ANO10: variants seen among roughly 807,000 people sequenced by gnomAD.
ANO10 encodes the protein anoctamin-10.
ANO10 carries 77 observed loss-of-function variants against 74.7 expected under a neutral mutation model. That is an observed-to-expected ratio of 1.03 (90% confidence interval 0.86 to 1.25). The LOEUF is 1.25. ANO10 is among the 50% of genes most tolerant of loss of function. The pLI is 0.00. For missense variants in ANO10, 721 were observed against 778.1 expected (o/e 0.93, Z 0.87); for synonymous variants, 279 against 284.9 (o/e 0.98, Z 0.21).
At position 43,555,474 on chromosome 3, in the gene ANO10, A is replaced by C; in HGVS notation, c.1477-5T>G. ...CAAGTAATCATCAAAGGTGCCCTGAAAATATAAACAAGCATGCATTATTTT... is the reference window on the plus strand; with the variant it reads ...CAAGTAATCATCAAAGGTGCCCTGACAATATAAACAAGCATGCATTATTTT... On this transcript the variant is annotated splice_region_variant and splice_polypyrimidine_tract_variant and intron_variant, in intron 9 of 12. Coordinates refer to ENST00000292246, the MANE Select transcript of ANO10 (RefSeq NM_018075.5). 6.2e-7 allele frequency: 1 copy of C among 1,613,754 alleles called. No homozygotes were observed. The highest frequency in any genetic ancestry group is 1.1e-5 in the South Asian group (1 of 91,070).
upstream of ANO10, among the ~76,000 whole-genome samples, chr3:43,623,885 C>A (rs1302176338): frequency 6.6e-6 from 1 of 152,178 alleles, no homozygotes; most frequent in East Asian, 1.9e-4. Context: ...TATTTATGAA[C>A]TTCAATAAGT....
chr3:43,653,428 C>G (rs992738724), intron 1 of ANO10, among the ~76,000 whole-genome samples: 5 of 152,180 alleles, frequency 3.3e-5, no homozygotes, highest in African/African-American at 1.2e-4. Context: ...ATACACATGG[C>G]TGCATAGGTG....
chr3:43,580,380 G>T lies in ANO10; in HGVS notation c.565C>A (p.Arg189=). ...LKKLEDTWYT[R]FALKYQPIDS... Reference sequence around the variant, plus strand: ...ATGGGCTGATACTTCAAAGCAAACCGAGTGTACCAGGTGTCCTCAAGCTTC... The same window carrying T: ...ATGGGCTGATACTTCAAAGCAAACCTAGTGTACCAGGTGTCCTCAAGCTTC... Residue 189 remains arginine, a synonymous_variant, in exon 5 of 13, where the codon CGG becomes AGG. Transcript: ENST00000292246. 1.2e-6 allele frequency: 2 copies of T among 1,613,992 alleles called. No homozygotes were observed. Among genetic ancestry groups the T allele is most frequent in the Non-Finnish European group, 1.7e-6 (2 of 1,179,970 alleles).
At chr3:43,634,563 A>G (rs1361056607) in intron 1 of ANO10, among the ~76,000 whole-genome samples, 1 of 152,178 alleles carries the variant, frequency 6.6e-6, no homozygotes, top group Non-Finnish European at 1.5e-5. Context: ...TGTCCTACAC[A>G]TATCTCCACC....
intron 12 of ANO10, among the ~76,000 whole-genome samples, chr3:43,375,265 G>A (rs2091760300): frequency 6.6e-6 from 1 of 151,946 alleles, no homozygotes; most frequent in Non-Finnish European, 1.5e-5. Flanking sequence ...GGCCAACATG[G>A]TGAAACCCTG....
intron 1 of ANO10, among the ~76,000 whole-genome samples, chr3:43,641,701 A>G (rs1157027220): frequency 1.3e-5 from 2 of 152,210 alleles, no homozygotes; most frequent in African/African-American, 4.8e-5. Context: ...TAGAGCACAC[A>G]TGGCACTGTC....
chr3:43,394,242 C>T (rs374678758), intron 12 of ANO10, among the ~76,000 whole-genome samples: 1 of 152,146 alleles, frequency 6.6e-6, no homozygotes, highest in Admixed American at 6.5e-5. Flanking sequence ...ATCACCACCT[C>T]TCATGGTCAG....
In ANO10 at chr3:43,590,503, G is replaced by A. The variant is rs112763586; in HGVS notation, c.472+8029C>T. ...ATGTCTAAGGAAATCAGGAAGACCAGAGAAGATACAGCATCACCTAAGAAG... is the reference window on the plus strand; with the variant it reads ...ATGTCTAAGGAAATCAGGAAGACCAAAGAAGATACAGCATCACCTAAGAAG... On this transcript the variant is annotated intron_variant, in intron 4 of 12. Transcript: ENST00000292246. Among the ~76,000 whole-genome samples the A allele has an allele frequency of 2.6e-3, 403 of 152,140 alleles. 2 individuals carry two copies. The highest frequency in any genetic ancestry group is 9.5e-3 in the African/African-American group (392 of 41,426).
chr3:43,554,838 A>C (rs2079658998), intron 10 of ANO10, among the ~76,000 whole-genome samples: 2 of 152,104 alleles, frequency 1.3e-5, no homozygotes, highest in Admixed American at 1.3e-4. Flanking sequence ...ATATTCCACT[A>C]GGCTTCCTCT....
At chr3:43,372,730 G>A (rs994301128) in intron 12 of ANO10, 11 of 894,354 alleles carry the variant, frequency 1.2e-5, no homozygotes, top group Non-Finnish European at 1.9e-5. Flanking sequence ...TATCCTACCT[G>A]GTATGTGGTC....
At chr3:43,552,268 A>G (rs2079498415) in intron 10 of ANO10, among the ~76,000 whole-genome samples, 1 of 152,190 alleles carries the variant, frequency 6.6e-6, no homozygotes, top group African/African-American at 2.4e-5. Flanking sequence ...TATCTTGTCT[A>G]CATAGGTTGG....
intron 1 of ANO10, among the ~76,000 whole-genome samples, chr3:43,646,596 A>G (rs1433820476): frequency 1.3e-5 from 2 of 152,214 alleles, no homozygotes; most frequent in East Asian, 3.9e-4. Flanking sequence ...CAGTGGTGCA[A>G]TCCTGACTCA....
Position 43,549,861 on chromosome 3 carries a change from A to C in ANO10, c.1669-13T>G. The C allele has an allele frequency of 6.2e-7, 1 of 1,613,632 alleles. No individual in the cohort carries two copies. The highest frequency in any genetic ancestry group is 8.5e-7 in the Non-Finnish European group (1 of 1,179,680). ...TTTCAAAAGCCAACTAAAAGAAAAA[A>C]GAATGGAAATTAAAAATTGCAATGA... On this transcript the variant is annotated splice_polypyrimidine_tract_variant and intron_variant, in intron 10 of 12. Coordinates refer to ENST00000292246, the MANE Select transcript of ANO10 (RefSeq NM_018075.5).
upstream of ANO10, chr3:43,622,069 A>T (rs2149552895): frequency 6.6e-6 from 1 of 152,458 alleles, no homozygotes; most frequent in East Asian, 1.9e-4. Flanking sequence ...AGATGCGGTC[A>T]CACGCAGGGG....
chr3:43,596,190 A>G, intron 4 of ANO10, among the ~76,000 whole-genome samples: 1 of 152,228 alleles, frequency 6.6e-6, no homozygotes, highest in Non-Finnish European at 1.5e-5. Flanking sequence ...ATACTGCCCG[A>G]GGTAATTTAT....
chr3:43,618,832 C>T lies in ANO10; in HGVS notation c.-12+3077G>A, dbSNP rs201638180. On this transcript the variant is annotated intron_variant, in intron 1 of 12. Coordinates refer to ENST00000292246, the MANE Select transcript of ANO10 (RefSeq NM_018075.5). Reference sequence around the variant, plus strand: ...TTTTTTTTTCTTTGAGGCAGAGTCTCGCTCTGTCGCCCAGGCTGGAGTGCA... The same window carrying T: ...TTTTTTTTTCTTTGAGGCAGAGTCTTGCTCTGTCGCCCAGGCTGGAGTGCA... Among the ~76,000 whole-genome samples the T allele has an allele frequency of 1.2e-4, 19 of 152,018 alleles. No homozygotes were observed. In the East Asian group the frequency reaches 2.7e-3, roughly 22 times the overall value.
intron 11 of ANO10, among the ~76,000 whole-genome samples, chr3:43,533,260 G>A (rs899719013): frequency 5.3e-5 from 8 of 152,122 alleles, no homozygotes; most frequent in African/African-American, 1.9e-4. Flanking sequence ...GAAGGTTAAG[G>A]CAATTTCATT....
At chr3:43,432,566 C>T (rs768922113) in intron 12 of ANO10, 45 bp downstream of exon 12, 2 of 1,427,116 alleles carry the variant, frequency 1.4e-6, no homozygotes, top group African/African-American at 2.8e-5. Flanking sequence ...TTTTTCCTGT[C>T]ATTTGCTAAA....
intron 1 of ANO10, chr3:43,690,928 G>A (rs186175534): frequency 4.2e-5 from 64 of 1,514,306 alleles, no homozygotes; most frequent in Non-Finnish European, 5.4e-5. Context: ...GCGCCAGCCC[G>A]GGGCGGCCCA....
Sources: gnomAD v4.1 joint callset for allele counts (sites outside exome capture counted in the v4.1 genomes callset) on GRCh38, gnomAD v4.1.1 for gene constraint, MANE v1.5 for transcripts, NCBI Gene and HGNC (gene_info 2026-07-23, HGNC 2026-07-21) for gene names.